PHKG1: variants seen among roughly 807,000 people sequenced by gnomAD.
PHKG1 encodes phosphorylase kinase catalytic subunit gamma 1, also known as phosphorylase b kinase gamma catalytic chain, skeletal muscle/heart isoform.
Under a neutral mutation model 50.5 loss-of-function variants are expected in PHKG1, and 48 were observed. The ratio of observed to expected loss-of-function variants is 0.95; its 90% CI spans 0.75 to 1.21. PHKG1 has a LOEUF of 1.21. Among genes scored for constraint, PHKG1 ranks in the 50% most tolerant of loss-of-function variants. The pLI is 0.00. For missense variants in PHKG1, 487 were observed against 519.5 expected (o/e 0.94, Z 0.61); for synonymous variants, 204 against 212.8 (o/e 0.96, Z 0.36).
intron 1 of PHKG1, among the ~76,000 whole-genome samples, chr7:56,092,028 A>G (rs896681633): frequency 5.3e-5 from 8 of 152,196 alleles, no homozygotes; most frequent in Non-Finnish European, 1.2e-4. Context: ...CCAGCCCTCC[A>G]TGAGCAGAAA....
At position 56,081,338 on chromosome 7, in the gene PHKG1, C is replaced by G. The variant is rs751168353; in HGVS notation, c.919-39G>C. ...CGGAGAAGCTGGGCTGCAGCCCCCG[C>G]CCTGCCAGGCCCTGCCCCTCCAGCA... On this transcript the variant is annotated intron_variant, in intron 9 of 9. Transcript: ENST00000297373. The surrounding 1 kb of genome is among the most constrained non-coding windows in gnomAD (Gnocchi z 4.6). 1.3e-6 allele frequency: 2 copies of G among 1,561,036 alleles called. No individual in the cohort carries two copies. The highest frequency in any genetic ancestry group is 3.8e-5 in the Admixed American group (2 of 53,242).
intron 4 of PHKG1, 75 bp downstream of exon 4, chr7:56,086,895 C>T (rs1796274294): frequency 1.8e-6 from 2 of 1,125,222 alleles, no homozygotes; most frequent in Admixed American, 1.7e-5. Context: ...GGTCTCCAGG[C>T]AGCCCTGGGG....
In PHKG1 at chr7:56,082,226, G is replaced by C. The variant is rs192764931; in HGVS notation, c.575C>G (p.Ala192Gly). The change falls in exon 7 of 10, where the codon GCC (alanine) becomes GGC (glycine). Residue 192 changes from alanine (A) to glycine (G), a missense_variant. Ala to Gly is a moderately conservative substitution (Grantham distance 60). Transcript: ENST00000297373. ...REVCGTPSYL[A>G]PEIIECSMNE... is the part of the protein sequence containing the mutation. ...CATGGAGCACTCGATAATCTCAGGG[G>C]CCAGGTAACTGGGGGTCCCGCAGAC... 5.0e-6 allele frequency: 8 copies of C among 1,613,618 alleles called. No individual in the cohort carries two copies. In the African/African-American group the frequency reaches 8.0e-5, roughly 16 times the overall value.
intron 2 of PHKG1, 100 bp downstream of exon 2, chr7:56,088,759 G>GA (rs1189702504): frequency 1.7e-4 from 122 of 738,052 alleles, no homozygotes; most frequent in Non-Finnish European, 2.6e-5. Context: ...CTTTGGGGAT[G>GA]AAAGTGGCGT....
chr7:56,085,487 A>G (rs1227026611), intron 4 of PHKG1, among the ~76,000 whole-genome samples: 3 of 152,138 alleles, frequency 2.0e-5, no homozygotes, highest in African/African-American at 7.2e-5. Context: ...TACTAATCCT[A>G]TTGATGCCAA....
intron 1 of PHKG1, among the ~76,000 whole-genome samples, chr7:56,091,959 A>G (rs942511660): frequency 6.6e-6 from 1 of 152,232 alleles, no homozygotes; most frequent in Non-Finnish European, 1.5e-5. Context: ...AGTCCTCACA[A>G]TGGGCACCTT....
At chr7:56,088,026 G>T (rs1238282055) in intron 2 of PHKG1, among the ~76,000 whole-genome samples, 1 of 111,800 alleles carries the variant, frequency 8.9e-6, no homozygotes, top group Admixed American at 1.0e-4. Context: ...TTTTTGAGCC[G>T]TTCAGTGCTT....
At chr7:56,091,015 C>G (rs563497872) in intron 1 of PHKG1, among the ~76,000 whole-genome samples, 59 of 152,118 alleles carry the variant, frequency 3.9e-4, no homozygotes, top group African/African-American at 1.4e-3. Flanking sequence ...AGTTCGAGAC[C>G]AGCCTGGGCT....
At chr7:56,088,193 C>CA (rs1423618500) in intron 2 of PHKG1, among the ~76,000 whole-genome samples, 1 of 151,932 alleles carries the variant, frequency 6.6e-6, no homozygotes. Flanking sequence ...TGCCACCACA[C>CA]AGAGCTAATT....
At chr7:56,087,198 TTA>T (rs1796291957) in intron 3 of PHKG1, among the ~76,000 whole-genome samples, 174 bp from the exon 4 acceptor site, 2 of 46,454 alleles carry the variant, frequency 4.3e-5, no homozygotes, top group Non-Finnish European at 8.5e-5. Flanking sequence ...AGGGACTTTA[TTA>T]TTATTATTAT....
Position 56,083,340 on chromosome 7 carries a change from ATGT to A in PHKG1, c.482_484del (p.Asn161del). The A allele has an allele frequency of 1.2e-6, 2 of 1,614,136 alleles. No homozygotes were observed. Among genetic ancestry groups the A allele is most frequent in the Non-Finnish European group, 1.7e-6 (2 of 1,180,028 alleles). ...GCCAAAGTCTGTGAGCTTGATGTTC[ATGT>A]TGTCATCCAAGAGAATGTTCTCGGG... is the stretch of plus-strand genomic sequence containing the variant. On this transcript the variant is annotated inframe_deletion, in exon 6 of 10. Coordinates refer to ENST00000297373, the MANE Select transcript of PHKG1 (RefSeq NM_006213.5).
Position 56,082,252 on chromosome 7 carries a change from C to G in PHKG1, c.549G>C (p.Glu183Asp). 6.2e-7 allele frequency: 1 copy of G among 1,612,052 alleles called. No homozygotes were observed. Among genetic ancestry groups the G allele is most frequent in the Non-Finnish European group, 8.5e-7 (1 of 1,179,010 alleles). ...CQLEPGERLR[E>D]VCGTPSYLAP... ...CCAGGTAACTGGGGGTCCCGCAGAC[C>G]TCTGCAGGAACAGTCATCATCAGGG... The change falls in exon 7 of 10, where the codon GAG becomes GAC. Residue 183 changes from glutamate (E) to aspartate (D), a missense_variant and splice_region_variant. Physicochemically the swap from Glu to Asp is conservative, Grantham distance 45 (BLOSUM62 2). Coordinates refer to ENST00000297373, the MANE Select transcript of PHKG1 (RefSeq NM_006213.5).
chr7:56,089,000 G>A, intron 1 of PHKG1, 25 bp from the exon 2 acceptor site: 1 of 1,205,384 alleles, frequency 8.3e-7, no homozygotes, highest in Admixed American at 1.8e-5. Flanking sequence ...GAAAGAAGCT[G>A]TCAGCCTTCC....
intron 5 of PHKG1, 52 bp downstream of exon 5, chr7:56,083,598 T>G (rs1053860399): frequency 1.3e-6 from 2 of 1,525,656 alleles, no homozygotes; most frequent in South Asian, 2.3e-5. Flanking sequence ...CCAGTGCCTG[T>G]GGCCCTAAGC....
At chr7:56,091,342 C>G (rs1796487752) in intron 1 of PHKG1, among the ~76,000 whole-genome samples, 2 of 152,062 alleles carry the variant, frequency 1.3e-5, no homozygotes, top group Non-Finnish European at 2.9e-5. Context: ...CGGTGAAACC[C>G]TGTTTCTACT....
chr7:56,088,138 A>G (rs984562432), intron 2 of PHKG1, among the ~76,000 whole-genome samples: 7 of 149,668 alleles, frequency 4.7e-5, no homozygotes, highest in African/African-American at 1.7e-4. Flanking sequence ...GGGTTCAAGC[A>G]ATTCTCTTGC....
At chr7:56,086,402 G>A (rs1470900094) in intron 4 of PHKG1, among the ~76,000 whole-genome samples, 1 of 152,164 alleles carries the variant, frequency 6.6e-6, no homozygotes, top group Non-Finnish European at 1.5e-5. Context: ...GCCAGGCACG[G>A]TGGCTTATGC....
chr7:56,085,152 G>A (rs960917945), intron 4 of PHKG1, among the ~76,000 whole-genome samples: 32 of 151,760 alleles, frequency 2.1e-4, no homozygotes, highest in African/African-American at 7.7e-4. Context: ...GTAGAGATGG[G>A]GTTTTGCCAT....
In PHKG1 at chr7:56,087,558, AG is replaced by A. The variant is rs1372868547; in HGVS notation, c.262+39del. The stretch of plus-strand genomic sequence containing the variant: ...GCTTGGGCTGTCAGGGCAGAATCAC[AG>A]GGGGGCACCCTGCCGTGTGGCTTGG... On this transcript the variant is annotated intron_variant, in intron 3 of 9. Transcript: ENST00000297373. 2.5e-6 allele frequency: 4 copies of A among 1,588,292 alleles called. No individual in the cohort carries two copies. The African/African-American group carries it at 4.0e-5, about 16-fold the overall frequency.
Sources: gnomAD v4.1 joint callset for allele counts (sites outside exome capture counted in the v4.1 genomes callset) on GRCh38, gnomAD v4.1.1 for gene constraint, Gnocchi (gnomAD v3.1) non-coding constraint, MANE v1.5 for transcripts, NCBI Gene and HGNC (gene_info 2026-07-23, HGNC 2026-07-21) for gene names.